RBFOX1: variants seen among roughly 807,000 people sequenced by gnomAD.
RBFOX1 encodes RNA binding protein fox-1 homolog 1.
In RBFOX1, 8 loss-of-function variants were observed where a neutral mutation model predicts 57.7. The observed-to-expected ratio is 0.14, with a 90% CI of 0.08 to 0.25. RBFOX1 has a LOEUF of 0.25. Ranked by LOEUF, RBFOX1 falls within the 10% of genes least tolerant of loss-of-function variation. RBFOX1 has a pLI of 1.00. For missense variants in RBFOX1, 611 were observed against 548.5 expected (o/e 1.11, Z -1.14); for synonymous variants, 326 against 222.4 (o/e 1.47, Z -4.15).
At chr16:6,477,010 C>T (rs1037105849) in intron 2 of RBFOX1, among the ~76,000 whole-genome samples, 6 of 152,150 alleles carry the variant, frequency 3.9e-5, no homozygotes, top group Admixed American at 6.5e-5. Context: ...AGTTTTATCA[C>T]GAGATTGCAG....
At chr16:6,338,093 A>G (rs1430954201) in intron 2 of RBFOX1, among the ~76,000 whole-genome samples, 1 of 152,222 alleles carries the variant, frequency 6.6e-6, no homozygotes, top group Admixed American at 6.5e-5. Flanking sequence ...TATGTGAAAT[A>G]CGTGATATTC....
At chr16:6,259,878 T>C (rs939268076) in intron 1 of RBFOX1, among the ~76,000 whole-genome samples, 2 of 151,632 alleles carry the variant, frequency 1.3e-5, no homozygotes, top group Non-Finnish European at 1.5e-5. Context: ...GGAGAATTGC[T>C]TGAACCCGAG....
chr16:5,654,904 C>T (rs1257547836), intron 3 of RBFOX1, among the ~76,000 whole-genome samples: 1 of 152,006 alleles, frequency 6.6e-6, no homozygotes, highest in Admixed American at 6.6e-5. Context: ...GGATGAAATG[C>T]TCTCTTCTCA....
At chr16:6,113,253 G>A (rs962978915) in intron 1 of RBFOX1, among the ~76,000 whole-genome samples, 2 of 152,176 alleles carry the variant, frequency 1.3e-5, no homozygotes, top group Admixed American at 6.5e-5. Flanking sequence ...GGGTGAGGCC[G>A]ATTGCAAAAG....
intron 2 of RBFOX1, among the ~76,000 whole-genome samples, chr16:6,494,666 G>C (rs1017170483): frequency 6.6e-6 from 1 of 152,220 alleles, no homozygotes; most frequent in Non-Finnish European, 1.5e-5. Context: ...GCGTGACCGT[G>C]AGTTTCACTT....
chr16:6,772,753 G>C (rs758515380), intron 3 of RBFOX1, among the ~76,000 whole-genome samples: 4 of 151,246 alleles, frequency 2.6e-5, no homozygotes, highest in Admixed American at 6.6e-5. Flanking sequence ...GAGTGCATTT[G>C]TGTGTGTGTG....
At chr16:5,313,994 C>A (rs1017179136) in intron 1 of RBFOX1, among the ~76,000 whole-genome samples, 7 of 152,130 alleles carry the variant, frequency 4.6e-5, no homozygotes, top group African/African-American at 1.7e-4. Context: ...ATCACATTCT[C>A]AAGAGGGGTC....
At chr16:6,049,325 T>TA (rs35012599) in intron 1 of RBFOX1, among the ~76,000 whole-genome samples, 7 of 151,010 alleles carry the variant, frequency 4.6e-5, no homozygotes, top group Non-Finnish European at 7.4e-5. Flanking sequence ...CAGTCTCCTT[T>TA]AAAAAAAAAA....
At chr16:7,609,105 G>C (rs145087026) in intron 10 of RBFOX1, among the ~76,000 whole-genome samples, 49 of 152,332 alleles carry the variant, frequency 3.2e-4, no homozygotes, top group African/African-American at 1.2e-3. Context: ...CAGCTTCCAT[G>C]TGTCCGCAGC....
At chr16:7,397,550 C>G (rs1393113822) in intron 4 of RBFOX1, among the ~76,000 whole-genome samples, 10 of 152,078 alleles carry the variant, frequency 6.6e-5, no homozygotes, top group Admixed American at 3.9e-4. Context: ...TTTTTCTGAA[C>G]TTTGAAAGTC....
intron 10 of RBFOX1, among the ~76,000 whole-genome samples, chr16:7,628,341 A>T (rs148414950): frequency 4.0e-4 from 61 of 152,254 alleles, no homozygotes; most frequent in African/African-American, 1.4e-3. Context: ...ATAGAAACAC[A>T]TTCATTTATT....
chr16:6,574,500 C>T (rs573953950), intron 2 of RBFOX1, among the ~76,000 whole-genome samples: 1 of 147,906 alleles, frequency 6.8e-6, no homozygotes, highest in Non-Finnish European at 1.5e-5. Context: ...GCGATCTCCG[C>T]TCACTGCAAG....
chr16:7,337,748 A>C (rs1049161665), intron 4 of RBFOX1, among the ~76,000 whole-genome samples: 1 of 152,112 alleles, frequency 6.6e-6, no homozygotes, highest in African/African-American at 2.4e-5. Flanking sequence ...GCAGGGGCGC[A>C]ATCTCGGCTC....
intron 1 of RBFOX1, among the ~76,000 whole-genome samples, chr16:6,047,749 T>C (rs2095510500): frequency 6.6e-6 from 1 of 152,220 alleles, no homozygotes; most frequent in Non-Finnish European, 1.5e-5. Context: ...GACTACTTAC[T>C]ACGTTCAGAC....
chr16:6,791,010 A>G (rs1456316883), intron 3 of RBFOX1, among the ~76,000 whole-genome samples: 1 of 151,762 alleles, frequency 6.6e-6, no homozygotes, highest in Admixed American at 6.6e-5. Context: ...GGTTCAGGTA[A>G]TCCTTCCACT....
chr16:7,130,659 T>C (rs1348588630), intron 4 of RBFOX1, among the ~76,000 whole-genome samples: 1 of 152,158 alleles, frequency 6.6e-6, no homozygotes, highest in Non-Finnish European at 1.5e-5. Context: ...TCCAGTGCCT[T>C]TTTACTTGAT....
intron 3 of RBFOX1, among the ~76,000 whole-genome samples, chr16:5,641,114 AC>A (rs1567334945): frequency 2.0e-5 from 3 of 151,650 alleles, no homozygotes; most frequent in African/African-American, 7.3e-5. Flanking sequence ...ATGCATACAC[AC>A]ACATGCATAC....
chr16:5,978,303 G>C (rs1175428803), intron 4 of RBFOX1, among the ~76,000 whole-genome samples: 3 of 151,918 alleles, frequency 2.0e-5, no homozygotes, highest in African/African-American at 7.3e-5. Context: ...GACAGAGTGA[G>C]GCCCCATTTC....
At chr16:6,560,079 A>G (rs927618493) in intron 2 of RBFOX1, among the ~76,000 whole-genome samples, 3 of 152,014 alleles carry the variant, frequency 2.0e-5, no homozygotes, top group African/African-American at 7.3e-5. Flanking sequence ...TCCCCTAAGA[A>G]GAAGGATATA....
Sources: gnomAD v4.1 joint callset for allele counts (sites outside exome capture counted in the v4.1 genomes callset) on GRCh38, gnomAD v4.1.1 for gene constraint, MANE v1.5 for transcripts, NCBI Gene and HGNC (gene_info 2026-07-23, HGNC 2026-07-21) for gene names.